The following SNX29 variants were observed in gnomAD, a reference collection of about 807,000 sequenced individuals.
SNX29 encodes the protein sorting nexin-29.
A neutral mutation model predicts 102.1 loss-of-function variants in SNX29; 78 were observed. The ratio of observed to expected loss-of-function variants is 0.76; its 90% CI spans 0.64 to 0.92. The LOEUF is 0.92. Ranked by LOEUF, SNX29 falls within the 40% of genes least tolerant of loss-of-function variation. SNX29 has a pLI of 0.00. For missense variants in SNX29, 1,280 were observed against 1,061.7 expected, an observed-to-expected ratio of 1.21 and a Z score of -2.86; for synonymous variants, 580 against 414.5, an observed-to-expected ratio of 1.40 and a Z score of -4.85.
At chr16:12,541,081 C>G (rs1224624673) in intron 20 of SNX29, among the ~76,000 whole-genome samples, 1 of 152,296 alleles carries the variant, frequency 6.6e-6, no homozygotes, top group East Asian at 1.9e-4. Context: ...GACTAGCTGC[C>G]TCATGCATCC....
chr16:12,292,505 A>G (rs189180762), intron 15 of SNX29, among the ~76,000 whole-genome samples: 4 of 152,316 alleles, frequency 2.6e-5, no homozygotes, highest in Admixed American at 1.3e-4. Context: ...GTCCCCAGCC[A>G]GTCATTTCAG....
chr16:12,408,441 A>T (rs1022447334), intron 18 of SNX29, among the ~76,000 whole-genome samples: 11 of 152,246 alleles, frequency 7.2e-5, no homozygotes, highest in African/African-American at 2.7e-4. Flanking sequence ...GCTGGTCCAC[A>T]ATAACTTCTG....
At chr16:12,027,203 C>T (rs2057216319) in intron 3 of SNX29, 117 bp from the exon 4 acceptor site, 1 of 1,278,054 alleles carries the variant, frequency 7.8e-7, no homozygotes, top group Non-Finnish European at 1.1e-6. Flanking sequence ...TGTCTCCTGT[C>T]TGCCTTCACG....
chr16:12,456,685 C>T (rs2086554781), intron 18 of SNX29, among the ~76,000 whole-genome samples: 1 of 151,970 alleles, frequency 6.6e-6, no homozygotes, highest in Admixed American at 6.6e-5. Flanking sequence ...ATAGTGTGTG[C>T]ACCCGGTAGC....
intron 13 of SNX29, among the ~76,000 whole-genome samples, chr16:12,180,018 G>T (rs2076346902): frequency 6.6e-6 from 1 of 152,094 alleles, no homozygotes; most frequent in African/African-American, 2.4e-5. Flanking sequence ...GGAACTTCGG[G>T]TCTCTTTATT....
At position 12,569,468 on chromosome 16, in the gene SNX29, G is replaced by T. The variant is rs551905605; in HGVS notation, c.*839G>T. ...TGGCCCTACAGTCATGAGAGACTTG[G>T]GTCAGGGAACCACTGCAGAAGGTTC... On this transcript the variant is annotated 3_prime_UTR_variant, in exon 21 of 21. Transcript: ENST00000566228. 2 of 231,292 alleles carry T rather than the reference G, an allele frequency of 8.6e-6. No individual in the cohort carries two copies. The highest frequency in any genetic ancestry group is 1.8e-4 in the South Asian group (1 of 5,516). The allele number at this position is 231,292 out of a possible 1,614,324, so 14.3% of individuals were successfully genotyped here.
intron 15 of SNX29, among the ~76,000 whole-genome samples, chr16:12,326,241 A>G (rs915235561): frequency 2.6e-5 from 4 of 151,362 alleles, no homozygotes; most frequent in Non-Finnish European, 5.9e-5. Flanking sequence ...TGAACTCCTG[A>G]CCTCTCAGGT....
intron 18 of SNX29, among the ~76,000 whole-genome samples, chr16:12,405,211 C>G (rs1480615179): frequency 6.6e-6 from 1 of 152,188 alleles, no homozygotes; most frequent in Non-Finnish European, 1.5e-5. Flanking sequence ...AAAATTAAAA[C>G]ATGTTATCAC....
At chr16:12,025,310 A>AAAAAG (rs1196518510) in intron 3 of SNX29, among the ~76,000 whole-genome samples, 3 of 150,970 alleles carry the variant, frequency 2.0e-5, no homozygotes, top group African/African-American at 7.3e-5. Context: ...CTCAAAAAAA[A>AAAAAG]AAAAAAAAAA....
At position 12,078,814 on chromosome 16, in the gene SNX29, C is replaced by T; in HGVS notation, c.1320-19C>T. 6.3e-7 allele frequency: 1 copy of T among 1,586,864 alleles called. No homozygotes were observed. The highest frequency in any genetic ancestry group is 1.2e-5 in the South Asian group (1 of 86,694). ...TTTCAGTGGCCGAGTGTAACTTCCT[C>T]CTGCCTGCTTTTTCCTAGTGTGGAA... On this transcript the variant is annotated intron_variant, in intron 10 of 20. Coordinates refer to ENST00000566228, the MANE Select transcript of SNX29 (RefSeq NM_032167.5).
chr16:11,998,779 G>T (rs1019541314), intron 1 of SNX29, among the ~76,000 whole-genome samples: 5 of 152,220 alleles, frequency 3.3e-5, no homozygotes, highest in African/African-American at 9.6e-5. Flanking sequence ...GCTGAGAAGA[G>T]GAGTAATCAG....
chr16:12,204,887 C>T (rs1209435724), intron 14 of SNX29, among the ~76,000 whole-genome samples: 1 of 152,052 alleles, frequency 6.6e-6, no homozygotes, highest in African/African-American at 2.4e-5. Flanking sequence ...GTGCTTTGTG[C>T]TCTGGGGTGT....
intron 16 of SNX29, among the ~76,000 whole-genome samples, chr16:12,388,892 G>C (rs2083429029): frequency 6.6e-6 from 1 of 152,192 alleles, no homozygotes; most frequent in Non-Finnish European, 1.5e-5. Context: ...AACAGGAAAG[G>C]CAGGTGCCTT....
chr16:12,194,919 A>G (rs915404230), intron 13 of SNX29, among the ~76,000 whole-genome samples: 1 of 152,158 alleles, frequency 6.6e-6, no homozygotes, highest in Non-Finnish European at 1.5e-5. Context: ...GAGCCACTGC[A>G]TCTGGCCTGG....
intron 15 of SNX29, among the ~76,000 whole-genome samples, chr16:12,310,789 CCTCAGTGAAG>C: frequency 6.6e-6 from 1 of 152,108 alleles, no homozygotes; most frequent in South Asian, 2.1e-4. Flanking sequence ...GCTGGTTAAA[CCTCAGTGAAG>C]CTTAAAAAAA....
rs376541654 is a variant in SNX29, at chr16:12,560,584, C to T, written c.2319-7922C>T. 3.9e-5 allele frequency among the ~76,000 whole-genome samples: 6 copies of T among 152,322 alleles called. No individual in the cohort carries two copies. In the East Asian group the frequency reaches 9.6e-4, roughly 24 times the overall value. ...GTGTGATTCCTTGGGGTCTGTCCAT[C>T]TGTACCTCTCATAAAGCAGCAAGCA... is the stretch of plus-strand genomic sequence containing the variant. On this transcript the variant is annotated intron_variant, in intron 20 of 20. Coordinates refer to ENST00000566228, the MANE Select transcript of SNX29 (RefSeq NM_032167.5).
chr16:12,058,560 C>A (rs2050622185), intron 8 of SNX29, among the ~76,000 whole-genome samples: 1 of 130,104 alleles, frequency 7.7e-6, no homozygotes, highest in African/African-American at 3.0e-5. Flanking sequence ...GTGGCGGGAT[C>A]TCAGCTCACT....
intron 3 of SNX29, among the ~76,000 whole-genome samples, chr16:12,013,525 ATATATATATATATATATC>A: frequency 8.4e-6 from 1 of 118,734 alleles, no homozygotes; most frequent in Non-Finnish European, 1.8e-5. Context: ...ATATATATAT[ATATATATATATATATATC>A]GAGAGAGGAG....
At chr16:12,427,898 A>T (rs546946640) in intron 18 of SNX29, among the ~76,000 whole-genome samples, 73 of 152,336 alleles carry the variant, frequency 4.8e-4, no homozygotes, top group African/African-American at 1.5e-3. Flanking sequence ...GCTAAATAAG[A>T]TCAGACAAAG....
Sources: gnomAD v4.1 joint callset for allele counts (sites outside exome capture counted in the v4.1 genomes callset) on GRCh38, gnomAD v4.1.1 for gene constraint, MANE v1.5 for transcripts, NCBI Gene and HGNC (gene_info 2026-07-23, HGNC 2026-07-21) for gene names.